The following SPON1 variants were observed in gnomAD, a reference collection of about 807,000 sequenced individuals.
SPON1 encodes spondin-1.
In SPON1, 52 loss-of-function variants were observed where a neutral mutation model predicts 111.7. That is an observed-to-expected ratio of 0.47 (90% CI 0.37 to 0.59). The LOEUF (loss-of-function observed/expected upper bound fraction) is 0.59. SPON1 is among the 20% of genes least tolerant of loss of function. The probability of loss-of-function intolerance (pLI) is 0.00; values close to 1 mark genes in which losing one functional copy is unlikely to be tolerated. For missense variants in SPON1, 957 were observed against 1,068.5 expected (o/e 0.90, Z 1.46); for synonymous variants, 410 against 395.8 (o/e 1.04, Z -0.43).
intron 5 of SPON1, among the ~76,000 whole-genome samples, chr11:14,097,383 T>C (rs992240764): frequency 3.3e-5 from 5 of 152,228 alleles, no homozygotes; most frequent in African/African-American, 1.2e-4. Flanking sequence ...TTTTGTTTTC[T>C]CAAGAAGGCT....
intron 3 of SPON1, among the ~76,000 whole-genome samples, chr11:14,054,159 C>G (rs1294853003): frequency 2.0e-5 from 3 of 152,174 alleles, no homozygotes; most frequent in Admixed American, 2.0e-4. Context: ...CTACATTTTT[C>G]CTTGGGCATT....
intron 2 of SPON1, among the ~76,000 whole-genome samples, chr11:13,997,936 A>T (rs955098814): frequency 3.9e-5 from 6 of 152,158 alleles, no homozygotes; most frequent in African/African-American, 7.2e-5. Context: ...CGGAAACCAC[A>T]CTAGATACTA....
intron 5 of SPON1, among the ~76,000 whole-genome samples, chr11:14,129,259 C>T (rs1285920571): frequency 2.0e-5 from 3 of 152,068 alleles, no homozygotes; most frequent in Non-Finnish European, 1.5e-5. Context: ...CAATTTCAGA[C>T]CATCTCTTTG....
intron 6 of SPON1, among the ~76,000 whole-genome samples, chr11:14,140,844 T>C (rs919746665): frequency 3.3e-5 from 5 of 152,162 alleles, no homozygotes; most frequent in Non-Finnish European, 4.4e-5. Flanking sequence ...ACTGCACAGC[T>C]AGTATACGTC....
intron 2 of SPON1, among the ~76,000 whole-genome samples, chr11:14,029,014 C>G (rs1848539487): frequency 6.6e-6 from 1 of 152,086 alleles, no homozygotes; most frequent in African/African-American, 2.4e-5. Flanking sequence ...GAAAAATTAC[C>G]ACTTTCCCGA....
intron 6 of SPON1, among the ~76,000 whole-genome samples, chr11:14,180,268 CTT>C (rs1321896320): frequency 6.6e-6 from 1 of 152,220 alleles, no homozygotes; most frequent in African/African-American, 2.4e-5. Context: ...CCAAGATAAA[CTT>C]AAATTTGTCA....
chr11:13,986,232 A>G (rs1554910313), intron 2 of SPON1, among the ~76,000 whole-genome samples: 17 of 152,204 alleles, frequency 1.1e-4, no homozygotes. Context: ...TAAGCCAACA[A>G]TCAGAAAGAA....
chr11:14,142,805 T>C (rs1591387398), intron 6 of SPON1, among the ~76,000 whole-genome samples: 1 of 152,210 alleles, frequency 6.6e-6, no homozygotes, highest in Non-Finnish European at 1.5e-5. Flanking sequence ...AAGGAAACTT[T>C]ATTGTAGAAA....
intron 7 of SPON1, among the ~76,000 whole-genome samples, chr11:14,246,532 C>T (rs1848991932): frequency 6.6e-6 from 1 of 152,154 alleles, no homozygotes; most frequent in South Asian, 2.1e-4. Context: ...GACATATATA[C>T]CTGCCAATGA....
At chr11:14,231,095 G>A (rs530534694) in intron 6 of SPON1, among the ~76,000 whole-genome samples, 72 of 150,276 alleles carry the variant, frequency 4.8e-4, no homozygotes, top group African/African-American at 1.7e-3. Context: ...TTACAGGCAT[G>A]AGCCACTGTG....
rs564007417 is a variant in SPON1 at position 14,192,548 on chromosome 11, G to A, written c.826-50784G>A. Among the ~76,000 whole-genome samples the A allele has an allele frequency of 1.1e-4, 17 of 152,276 alleles. 1 individual carries two copies. In the South Asian group the frequency reaches 3.5e-3, roughly 32 times the overall value. ...GTAGAGATGGATCAATCTCTTACAGGGGTACAAAAGGTGAATTTAAGCAGA... is the reference window on the plus strand; with the variant it reads ...GTAGAGATGGATCAATCTCTTACAGAGGTACAAAAGGTGAATTTAAGCAGA... On this transcript the variant is annotated intron_variant, in intron 6 of 15. Transcript: ENST00000576479.
intron 6 of SPON1, among the ~76,000 whole-genome samples, chr11:14,137,134 G>T (rs180887863): frequency 3.3e-4 from 50 of 152,270 alleles, no homozygotes; most frequent in Non-Finnish European, 6.8e-4. Context: ...TTTCTTGAGA[G>T]GTTTCTGGAA....
At chr11:14,061,608 G>C (rs1848791409) in intron 3 of SPON1, among the ~76,000 whole-genome samples, 1 of 152,204 alleles carries the variant, frequency 6.6e-6, no homozygotes, top group Non-Finnish European at 1.5e-5. Flanking sequence ...ATTCTTTAAA[G>C]TGTGCTAATG....
intron 3 of SPON1, among the ~76,000 whole-genome samples, chr11:14,053,428 A>G (rs558188574): frequency 3.9e-5 from 6 of 152,008 alleles, no homozygotes; most frequent in Non-Finnish European, 7.4e-5. Context: ...GCTTTTTTTC[A>G]CTTAACATAA....
chr11:14,155,584 T>C (rs1847836134), intron 6 of SPON1, among the ~76,000 whole-genome samples: 1 of 151,520 alleles, frequency 6.6e-6, no homozygotes, highest in South Asian at 2.1e-4. Flanking sequence ...TGTGCCATGC[T>C]GGTGCGCTGC....
intron 2 of SPON1, among the ~76,000 whole-genome samples, chr11:14,006,637 C>T (rs995548345): frequency 2.6e-5 from 4 of 152,100 alleles, no homozygotes; most frequent in Non-Finnish European, 5.9e-5. Context: ...CACCACTGCC[C>T]TCTCCTCTCT....
chr11:14,069,771 G>C (rs1848860855), intron 3 of SPON1, among the ~76,000 whole-genome samples: 1 of 152,000 alleles, frequency 6.6e-6, no homozygotes, highest in Non-Finnish European at 1.5e-5. Context: ...AGTCATGGTA[G>C]ATGACCTCTG....
At chr11:14,029,670 G>A (rs112044465) in intron 2 of SPON1, among the ~76,000 whole-genome samples, 1,570 of 152,256 alleles carry the variant, frequency 0.01, 39 homozygotes, top group African/African-American at 0.035. Context: ...CAGTGCTCAG[G>A]TGGGCGTTAT....
rs367957932 is a variant in SPON1 at position 14,018,654 on chromosome 11, C to A, written c.346-22867C>A. On this transcript the variant is annotated intron_variant, in intron 2 of 15. Coordinates refer to ENST00000576479, the MANE Select transcript of SPON1 (RefSeq NM_006108.4). ...AGATCTGCAGAGCATGCTGGGAGAA[C>A]AATTTGTGGAGGTTGAGAAGTCAGA... 9.9e-5 allele frequency among the ~76,000 whole-genome samples: 15 copies of A among 152,202 alleles called. No individual in the cohort carries two copies. The East Asian group carries it at 2.9e-3, about 29-fold the overall frequency.
Sources: gnomAD v4.1 joint callset for allele counts (sites outside exome capture counted in the v4.1 genomes callset) on GRCh38, gnomAD v4.1.1 for gene constraint, MANE v1.5 for transcripts, NCBI Gene and HGNC (gene_info 2026-07-23, HGNC 2026-07-21) for gene names.